Variants in DOCK3 observed in about 807,000 individuals in gnomAD.
DOCK3 encodes the protein dedicator of cytokinesis 3.
In DOCK3, 60 loss-of-function variants were observed where a neutral mutation model predicts 265.6. The ratio of observed to expected loss-of-function variants is 0.23; its 90% CI spans 0.18 to 0.28. The LOEUF (loss-of-function observed/expected upper bound fraction) is 0.28. Among genes scored for constraint, DOCK3 ranks in the 10% least tolerant of loss-of-function variants. The pLI is 1.00. For synonymous variants in DOCK3, 881 were observed against 938.0 expected (o/e 0.94, Z 1.11); for missense variants, 1,981 against 2,594.3 (o/e 0.76, Z 5.14).
chr3:51,277,399 C>T (rs1330834819), intron 25 of DOCK3, among the ~76,000 whole-genome samples: 1 of 152,196 alleles, frequency 6.6e-6, no homozygotes, highest in Non-Finnish European at 1.5e-5. Flanking sequence ...AGGCCCCAGC[C>T]ACCATGCCTG....
intron 1 of DOCK3, among the ~76,000 whole-genome samples, chr3:50,676,724 C>T (rs181837762): frequency 1.0e-4 from 2 of 19,310 alleles, no homozygotes; most frequent in East Asian, 8.8e-4. Context: ...GGGGTGGGGG[C>T]GTGGGGGGAG....
chr3:51,177,084 TA>T lies in DOCK3; in HGVS notation c.1037+16384del, dbSNP rs1346768082. Among the ~76,000 whole-genome samples the T allele has an allele frequency of 2.1e-4, 32 of 152,230 alleles. 1 individual carries two copies. The highest frequency in any genetic ancestry group is 2.1e-3 in the Admixed American group (32 of 15,280). On this transcript the variant is annotated intron_variant, in intron 12 of 52. Transcript: ENST00000266037. ...TTTGAAACCTCATACTAACCCTTTG[TA>T]ATCAGTCAGGCTTTATCATTTTACA...
At chr3:51,201,036 G>A (rs2088720838) in intron 12 of DOCK3, among the ~76,000 whole-genome samples, 1 of 151,914 alleles carries the variant, frequency 6.6e-6, no homozygotes, top group South Asian at 2.1e-4. Context: ...ACTAAACATG[G>A]AAAGGAACAA....
At chr3:51,152,165 C>G (rs2085633526) in intron 10 of DOCK3, among the ~76,000 whole-genome samples, 2 of 152,156 alleles carry the variant, frequency 1.3e-5, no homozygotes, top group Non-Finnish European at 2.9e-5. Context: ...TTCACATAGT[C>G]CCATATTTCT....
At chr3:50,696,615 G>C (rs139813915) in intron 1 of DOCK3, among the ~76,000 whole-genome samples, 41 of 152,234 alleles carry the variant, frequency 2.7e-4, no homozygotes, top group African/African-American at 9.2e-4. Flanking sequence ...TTTGTGCAAG[G>C]TGTTTTGGGA....
intron 9 of DOCK3, among the ~76,000 whole-genome samples, chr3:51,126,028 T>C (rs184394238): frequency 1.3e-5 from 2 of 152,350 alleles, no homozygotes; most frequent in East Asian, 3.9e-4. Context: ...GAAAACACTA[T>C]ATCGTGTTAT....
chr3:50,782,296 T>TTTA (rs1274814112), intron 2 of DOCK3, among the ~76,000 whole-genome samples: 1 of 136,728 alleles, frequency 7.3e-6, no homozygotes, highest in Admixed American at 7.7e-5. Flanking sequence ...GTTATTTTTT[T>TTTA]TTTTTTTTTT....
At chr3:51,037,634 G>A (rs73085254) in intron 5 of DOCK3, among the ~76,000 whole-genome samples, 3,202 of 152,200 alleles carry the variant, frequency 0.021, 49 homozygotes, top group Middle Eastern at 0.037. Flanking sequence ...GAACCTATAA[G>A]GAGATTTATT....
intron 4 of DOCK3, among the ~76,000 whole-genome samples, chr3:50,902,573 G>GTTAC (rs1051679104): frequency 8.9e-4 from 136 of 152,234 alleles, no homozygotes; most frequent in Middle Eastern, 6.8e-3. Context: ...TGCTGTTTTG[G>GTTAC]TTACTTGAGC....
At chr3:51,334,947 A>G (rs1050667945) in intron 35 of DOCK3, among the ~76,000 whole-genome samples, 1 of 152,140 alleles carries the variant, frequency 6.6e-6, no homozygotes, top group Non-Finnish European at 1.5e-5. Flanking sequence ...AGTCTTTAAT[A>G]TGGCATCACT....
At chr3:51,334,181 A>C (rs1428902055) in intron 35 of DOCK3, among the ~76,000 whole-genome samples, 1 of 152,200 alleles carries the variant, frequency 6.6e-6, no homozygotes, top group South Asian at 2.1e-4. Context: ...CTGCCTTCTC[A>C]GTTGTATCAT....
intron 5 of DOCK3, among the ~76,000 whole-genome samples, chr3:51,043,295 A>G (rs2080614535): frequency 6.6e-6 from 1 of 152,192 alleles, no homozygotes; most frequent in Non-Finnish European, 1.5e-5. Flanking sequence ...ACCTACAACT[A>G]TCTGATCTTC....
intron 27 of DOCK3, among the ~76,000 whole-genome samples, chr3:51,286,904 A>T (rs1284560444): frequency 1.3e-5 from 2 of 152,230 alleles, no homozygotes; most frequent in East Asian, 3.8e-4. Flanking sequence ...CTACTTGGAC[A>T]TAGGCCCTGA....
intron 10 of DOCK3, among the ~76,000 whole-genome samples, chr3:51,151,754 T>A (rs556643226): frequency 2.3e-4 from 35 of 151,412 alleles, no homozygotes; most frequent in Non-Finnish European, 4.3e-4. Flanking sequence ...TTCACTTATG[T>A]AGCTTAGTTT....
intron 5 of DOCK3, among the ~76,000 whole-genome samples, chr3:51,004,734 T>C (rs1193846782): frequency 1.1e-5 from 1 of 94,062 alleles, no homozygotes. Flanking sequence ...TTTTTTTTTT[T>C]ACAAACTCCT....
chr3:51,309,429 C>T (rs1270806011), intron 27 of DOCK3, among the ~76,000 whole-genome samples: 13 of 152,184 alleles, frequency 8.5e-5, no homozygotes, highest in Non-Finnish European at 1.6e-4. Flanking sequence ...CAAAAAAATA[C>T]GAAAACCAGT....
At chr3:50,750,322 ATTT>A (rs34249464) in intron 1 of DOCK3, among the ~76,000 whole-genome samples, 8 of 73,626 alleles carry the variant, frequency 1.1e-4, no homozygotes, top group Non-Finnish European at 1.6e-4. Context: ...TCTACCTTTG[ATTT>A]TTTTTTTTTT....
chr3:51,357,114 C>T lies in DOCK3; in HGVS notation c.4656C>T (p.Val1552=), dbSNP rs1478878883. The T allele has an allele frequency of 1.9e-6, 3 of 1,612,364 alleles. No homozygotes were observed. Among genetic ancestry groups the T allele is most frequent in the African/African-American group, 2.7e-5 (2 of 74,896 alleles). Residue 1552 remains valine, a synonymous_variant, in exon 44 of 53, where the codon GTC becomes GTT. Coordinates refer to ENST00000266037, the MANE Select transcript of DOCK3 (RefSeq NM_004947.5). ...MCLNGVIDAA[V]NGGIARYQEA... ...TGAATGGTGTCATTGATGCAGCTGT[C>T]AATGGAGGCATTGCACGCTATCAGG... is the stretch of plus-strand genomic sequence containing the variant.
At chr3:50,984,768 C>T (rs1327504565) in intron 5 of DOCK3, among the ~76,000 whole-genome samples, 6 of 151,748 alleles carry the variant, frequency 4.0e-5, no homozygotes, top group African/African-American at 1.5e-4. Flanking sequence ...CAGCTGACCA[C>T]GGATTGAAAA....
Sources: gnomAD v4.1 joint callset for allele counts (sites outside exome capture counted in the v4.1 genomes callset) on GRCh38, gnomAD v4.1.1 for gene constraint, MANE v1.5 for transcripts, NCBI Gene and HGNC (gene_info 2026-07-23, HGNC 2026-07-21) for gene names.